Variants in ABL1 observed in about 807,000 individuals in gnomAD.
The protein encoded by ABL1 is ABL proto-oncogene 1, non-receptor tyrosine kinase.
Under a neutral mutation model 94.7 loss-of-function variants are expected in ABL1, and 11 were observed. The ratio of observed to expected loss-of-function variants is 0.12; its 90% CI spans 0.07 to 0.19. ABL1 has a LOEUF of 0.19. ABL1 is among the 10% of genes least tolerant of loss of function. The probability of loss-of-function intolerance (pLI) is 1.00; values close to 1 mark genes in which losing one functional copy is unlikely to be tolerated. For missense variants in ABL1, 1,082 were observed against 1,489.4 expected (o/e 0.73, Z 4.50); for synonymous variants, 656 against 622.4 (o/e 1.05, Z -0.80).
chr9:130,802,135 G>C (rs1422379936), intron 1 of ABL1, among the ~76,000 whole-genome samples: 7 of 140,724 alleles, frequency 5.0e-5, no homozygotes, highest in Non-Finnish European at 1.0e-4. Flanking sequence ...CTGTTGCCCA[G>C]GCTGGATGGT....
intron 1 of ABL1, among the ~76,000 whole-genome samples, chr9:130,756,989 A>T (rs997673168): frequency 6.6e-6 from 1 of 152,204 alleles, no homozygotes; most frequent in Non-Finnish European, 1.5e-5. Flanking sequence ...GCTGTGCTCC[A>T]GAGCAGGGAG....
At chr9:130,752,982 C>T (rs13292345) in intron 1 of ABL1, among the ~76,000 whole-genome samples, 43,551 of 148,008 alleles carry the variant, frequency 0.29, 8,547 homozygotes, top group East Asian at 0.54. Context: ...AAGGGCTGGG[C>T]GCAGTGGCTC....
At chr9:130,729,689 T>TA (rs1390963922) in intron 1 of ABL1, among the ~76,000 whole-genome samples, 1 of 152,126 alleles carries the variant, frequency 6.6e-6, no homozygotes, top group Non-Finnish European at 1.5e-5. Flanking sequence ...GGATATCTAA[T>TA]ACCACTTTTA....
chr9:130,886,816 A>T lies in ABL1; in HGVS notation c.*1133A>T, dbSNP rs764256032. The T allele has an allele frequency of 3.4e-5, 8 of 233,160 alleles. No homozygotes were observed. Among genetic ancestry groups the T allele is most frequent in the Non-Finnish European group, 6.8e-5 (8 of 117,812 alleles). The allele number at this position is 233,160 out of a possible 1,614,324, so 14.4% of individuals were successfully genotyped here. A position where few individuals can be genotyped will look rare whatever the true frequency, so the allele number is the denominator to read the frequency against. ...AGAGAGAATAGAGCTGCCACTGGGC[A>T]CCTGCGCACAGGTGGGAGGAAAGGG... is the stretch of plus-strand genomic sequence containing the variant. On this transcript the variant is annotated 3_prime_UTR_variant, in exon 11 of 11. Coordinates refer to ENST00000318560, the MANE Select transcript of ABL1 (RefSeq NM_005157.6).
At chr9:130,883,034 G>T (rs1831490514) in intron 10 of ABL1, among the ~76,000 whole-genome samples, 1 of 152,120 alleles carries the variant, frequency 6.6e-6, no homozygotes, top group African/African-American at 2.4e-5. Flanking sequence ...AAGCGTCTGG[G>T]CTCAGACAGG....
chr9:130,809,381 TGAGAGAGAGAGAGAGA>T lies in ABL1; in HGVS notation c.137-44661_137-44646del, dbSNP rs370101656. Among the ~76,000 whole-genome samples, 106 of 132,684 alleles carry T rather than the reference TGAGAGAGAGAGAGAGA, an allele frequency of 8.0e-4. 1 individual carries two copies. The highest frequency in any genetic ancestry group is 1.9e-3 in the African/African-American group (65 of 34,834). 87.0% of individuals were successfully genotyped at this position (132,684 alleles called of 152,430 possible). A position where few individuals can be genotyped will look rare whatever the true frequency, so the allele number is the denominator to read the frequency against. ...GAAGAGTTGTATTAGTGAAGGTTCTTGAGAGAGAGAGAGAGAGAGAGAGAGAGAGAGAGAGAGTGTG... is the reference window on the plus strand; with the variant it reads ...GAAGAGTTGTATTAGTGAAGGTTCTTGAGAGAGAGAGAGAGAGAGAGTGTG... On this transcript the variant is annotated intron_variant, in intron 1 of 10. Coordinates refer to the ABL1 transcript ENST00000372348.
intron 1 of ABL1, among the ~76,000 whole-genome samples, chr9:130,836,487 A>G (rs540840263): frequency 2.0e-5 from 3 of 152,182 alleles, no homozygotes; most frequent in East Asian, 1.9e-4. Flanking sequence ...TCAGAGATGG[A>G]GTGGCACTTG....
At chr9:130,782,916 T>G (rs563573903) in intron 1 of ABL1, among the ~76,000 whole-genome samples, 18 of 152,344 alleles carry the variant, frequency 1.2e-4, no homozygotes, top group Admixed American at 9.1e-4. Context: ...TGCACCTAGA[T>G]TCATCAACTC....
At chr9:130,742,623 G>A (rs993671790) in intron 1 of ABL1, among the ~76,000 whole-genome samples, 1 of 152,256 alleles carries the variant, frequency 6.6e-6, no homozygotes, top group Middle Eastern at 3.4e-3. Context: ...GTAATAAAGA[G>A]CCTTTATTCT....
intron 1 of ABL1, among the ~76,000 whole-genome samples, chr9:130,773,294 G>A (rs899409097): frequency 6.6e-6 from 1 of 151,778 alleles, no homozygotes; most frequent in East Asian, 1.9e-4. Context: ...ACTCCAGCCT[G>A]GGCAACAAGA....
chr9:130,805,423 C>T (rs915756634), intron 1 of ABL1, among the ~76,000 whole-genome samples: 6 of 152,160 alleles, frequency 3.9e-5, no homozygotes, highest in Admixed American at 2.0e-4. Context: ...AATAAACCTT[C>T]TACAATCACA....
intron 6 of ABL1, among the ~76,000 whole-genome samples, chr9:130,873,330 ATG>A (rs1831285208): frequency 6.6e-6 from 1 of 152,254 alleles, no homozygotes; most frequent in Non-Finnish European, 1.5e-5. Flanking sequence ...GGAATATTAA[ATG>A]AAGTTCATAA....
chr9:130,780,103 G>C (rs1829736341), intron 1 of ABL1, among the ~76,000 whole-genome samples: 1 of 152,054 alleles, frequency 6.6e-6, no homozygotes, highest in Non-Finnish European at 1.5e-5. Flanking sequence ...GGCCAAGATG[G>C]TGAAACCCCT....
chr9:130,765,799 T>C (rs772893569), intron 1 of ABL1, among the ~76,000 whole-genome samples: 1 of 152,200 alleles, frequency 6.6e-6, no homozygotes, highest in African/African-American at 2.4e-5. Flanking sequence ...TGAACACATA[T>C]TGAAATTTTG....
chr9:130,776,483 A>G (rs1274213911), intron 1 of ABL1, among the ~76,000 whole-genome samples: 1 of 152,094 alleles, frequency 6.6e-6, no homozygotes, highest in African/African-American at 2.4e-5. Context: ...AGGCTGAGGC[A>G]GGAGAATCAC....
At chr9:130,766,960 C>T (rs534666528) in intron 1 of ABL1, among the ~76,000 whole-genome samples, 6 of 152,330 alleles carry the variant, frequency 3.9e-5, no homozygotes, top group African/African-American at 7.2e-5. Context: ...CCACAGCCTG[C>T]GTGGTCTGGG....
intron 1 of ABL1, among the ~76,000 whole-genome samples, chr9:130,842,583 A>G (rs1830692861): frequency 6.6e-6 from 1 of 152,228 alleles, no homozygotes; most frequent in Admixed American, 6.5e-5. Flanking sequence ...GATCAGCAAT[A>G]AAAATACTAA....
intron 1 of ABL1, among the ~76,000 whole-genome samples, chr9:130,804,602 G>A (rs1474561243): frequency 6.6e-6 from 1 of 152,042 alleles, no homozygotes; most frequent in Non-Finnish European, 1.5e-5. Flanking sequence ...AAAAATTCAT[G>A]AGACTAAATC....
chr9:130,884,916 A>T lies in ABL1; in HGVS notation c.2626A>T (p.Arg876Trp), dbSNP rs587778012. The change falls in exon 11 of 11, where the codon AGG (arginine) becomes TGG (tryptophan). Residue 876 changes from arginine (R) to tryptophan (W), a missense_variant. Arg to Trp is a moderately radical substitution (Grantham distance 101). Coordinates refer to ENST00000318560, the MANE Select transcript of ABL1 (RefSeq NM_005157.6). This position sits in a 1 kb window ranked among gnomAD's most constrained non-coding sequence, Gnocchi z 5.6. The part of the protein sequence containing the change: ...SKGPAEESRV[R>W]RHKHSSESPG... Reference sequence around the variant, plus strand: ...GGGCCCCGCCGAGGAGTCCAGAGTGAGGAGGCACAAGCACTCCTCTGAGTC... The same window carrying T: ...GGGCCCCGCCGAGGAGTCCAGAGTGTGGAGGCACAAGCACTCCTCTGAGTC... 4 of 1,611,434 alleles carry T rather than the reference A, an allele frequency of 2.5e-6. No individual in the cohort carries two copies. The Admixed American group carries it at 6.7e-5, about 27-fold the overall frequency.
Sources: allele counts gnomAD v4.1 joint callset (sites outside exome capture counted in the v4.1 genomes callset), GRCh38; gene constraint gnomAD v4.1.1; non-coding constraint Gnocchi (gnomAD v3.1); transcripts MANE v1.5; gene names NCBI Gene and HGNC (gene_info 2026-07-23, HGNC 2026-07-21).